SVEP1: variants seen among roughly 807,000 people sequenced by gnomAD.
The protein encoded by SVEP1 is sushi, von Willebrand factor type A, EGF and pentraxin domain containing 1.
In SVEP1, 164 loss-of-function variants were observed where a neutral mutation model predicts 367.3. The ratio of observed to expected loss-of-function variants is 0.45; its 90% CI spans 0.39 to 0.51. SVEP1 has a LOEUF of 0.51. SVEP1 is among the 20% of genes least tolerant of loss of function. The pLI, the probability that SVEP1 is intolerant of heterozygous loss-of-function variation, is 0.00. For missense variants in SVEP1, 4,117 were observed against 4,425.3 expected (o/e 0.93, Z 1.98); for synonymous variants, 1,666 against 1,611.6 (o/e 1.03, Z -0.81).
intron 36 of SVEP1, among the ~76,000 whole-genome samples, chr9:110,413,341 T>C (rs538852990): frequency 4.9e-5 from 7 of 142,378 alleles, no homozygotes; most frequent in South Asian, 4.5e-4. Context: ...AATTGAACAA[T>C]GAGATCACAT....
intron 24 of SVEP1, among the ~76,000 whole-genome samples, chr9:110,449,758 G>C (rs943379578): frequency 1.3e-5 from 2 of 152,140 alleles, no homozygotes; most frequent in Admixed American, 1.3e-4. Context: ...TTGCTTCTGA[G>C]TAATTATATT....
intron 27 of SVEP1, among the ~76,000 whole-genome samples, chr9:110,440,677 T>A (rs1298744148): frequency 1.3e-5 from 2 of 152,178 alleles, no homozygotes; most frequent in African/African-American, 4.8e-5. Flanking sequence ...GATTAAGAGT[T>A]AATCTCATGC....
intron 39 of SVEP1, among the ~76,000 whole-genome samples, chr9:110,402,143 G>C (rs989089185): frequency 1.4e-4 from 22 of 151,780 alleles, no homozygotes; most frequent in African/African-American, 1.7e-4. Context: ...AATTTATTTT[G>C]GTTATTTTTA....
At chr9:110,515,537 T>C (rs1829788981) in intron 3 of SVEP1, among the ~76,000 whole-genome samples, 1 of 152,000 alleles carries the variant, frequency 6.6e-6, no homozygotes, top group Admixed American at 6.6e-5. Flanking sequence ...CCTGACCTCA[T>C]GATCCGCCCG....
intron 27 of SVEP1, chr9:110,443,336 G>GTGGTCGCCGTAT: frequency 2.3e-6 from 1 of 442,150 alleles, no homozygotes; most frequent in South Asian, 6.6e-5. Context: ...ATCTTCAAAG[G>GTGGTCGCCGTAT]CATTTCTCAC....
intron 1 of SVEP1, among the ~76,000 whole-genome samples, chr9:110,572,298 G>T (rs1413845088): frequency 6.6e-6 from 1 of 152,162 alleles, no homozygotes; most frequent in Non-Finnish European, 1.5e-5. Flanking sequence ...ACAGCTGTGA[G>T]GGAGGACAAA....
At chr9:110,531,238 C>T (rs1306381815) in intron 3 of SVEP1, among the ~76,000 whole-genome samples, 3 of 152,220 alleles carry the variant, frequency 2.0e-5, no homozygotes, top group Admixed American at 1.3e-4. Context: ...TGTTCTATAG[C>T]TCATGATTTA....
At chr9:110,513,838 G>C in intron 4 of SVEP1, 110 bp downstream of exon 4, 1 of 1,295,144 alleles carries the variant, frequency 7.7e-7, no homozygotes, top group Non-Finnish European at 1.0e-6. Context: ...TATGATTAGA[G>C]AAAAGAACAT....
chr9:110,548,428 T>C (rs1830245574), intron 2 of SVEP1, among the ~76,000 whole-genome samples: 1 of 152,194 alleles, frequency 6.6e-6, no homozygotes, highest in Non-Finnish European at 1.5e-5. Flanking sequence ...AACTTTCTCA[T>C]CCCTTTATAT....
chr9:110,529,576 C>A (rs1354674424), intron 3 of SVEP1, among the ~76,000 whole-genome samples: 4 of 149,290 alleles, frequency 2.7e-5, no homozygotes, highest in African/African-American at 4.9e-5. Context: ...AGATGGTTCA[C>A]CTCCTTGGTT....
chr9:110,541,191 C>T (rs1830140839), intron 3 of SVEP1, among the ~76,000 whole-genome samples: 1 of 152,120 alleles, frequency 6.6e-6, no homozygotes, highest in South Asian at 2.1e-4. Context: ...GTCTATGAAA[C>T]TAACAAATAT....
intron 26 of SVEP1, 89 bp from the exon 27 acceptor site, chr9:110,443,809 CT>C (rs1300833165): frequency 6.6e-6 from 8 of 1,210,826 alleles, no homozygotes; most frequent in Admixed American, 3.6e-5. Flanking sequence ...TCTTCTTTTT[CT>C]TTTTTTGTGG....
chr9:110,404,571 A>C lies in SVEP1; in HGVS notation c.9441-19T>G. On this transcript the variant is annotated intron_variant, in intron 38 of 47. Coordinates refer to ENST00000374469, the MANE Select transcript of SVEP1 (RefSeq NM_153366.4). The stretch of plus-strand genomic sequence containing the variant: ...CAGACATCTGCAATGGAAATGCAAA[A>C]ATGAGTGCCTTAAATGAAGTACAAT... 14 of 1,607,526 alleles carry C rather than the reference A, an allele frequency of 8.7e-6. No homozygotes were observed. The highest frequency in any genetic ancestry group is 1.2e-5 in the Non-Finnish European group (14 of 1,173,970).
At chr9:110,390,081 GTATA>G (rs138038036) in intron 40 of SVEP1, among the ~76,000 whole-genome samples, 25,368 of 118,282 alleles carry the variant, frequency 0.21, 2,812 homozygotes, top group Middle Eastern at 0.37. Flanking sequence ...ATATATACGT[GTATA>G]TATACACATA....
chr9:110,445,765 A>T, intron 26 of SVEP1, 72 bp downstream of exon 26: 1 of 1,542,808 alleles, frequency 6.5e-7, no homozygotes, highest in East Asian at 2.3e-5. Context: ...CCCATTTCCC[A>T]TCCTCAATGT....
chr9:110,426,500 C>T, intron 36 of SVEP1, among the ~76,000 whole-genome samples: 1 of 152,054 alleles, frequency 6.6e-6, no homozygotes, highest in South Asian at 2.1e-4. Flanking sequence ...TCCCTAAGGC[C>T]CCACAGTTAG....
In SVEP1 at chr9:110,387,427, G is replaced by A; in HGVS notation, c.9918C>T (p.Leu3306=). The A allele has an allele frequency of 1.2e-6, 2 of 1,611,130 alleles. No individual in the cohort carries two copies. Among genetic ancestry groups the A allele is most frequent in the South Asian group, 1.1e-5 (1 of 90,308 alleles). The change falls in exon 42 of 48, where the codon CTC becomes CTT. Residue 3306 remains leucine, a synonymous_variant. Coordinates refer to ENST00000374469, the MANE Select transcript of SVEP1 (RefSeq NM_153366.4). ...ETRCETPLEF[L]NGKADIENRT... ...TGTTTTCAATGTCAGCTTTCCCATT[G>A]AGAAATTCAAGTGGAGTTTCACACC...
At chr9:110,373,787 G>A (rs746722454) in intron 46 of SVEP1, among the ~76,000 whole-genome samples, 19 of 152,202 alleles carry the variant, frequency 1.2e-4, no homozygotes, top group Admixed American at 5.9e-4. Flanking sequence ...CTCAAGTGGC[G>A]TATAATCTAG....
intron 44 of SVEP1, among the ~76,000 whole-genome samples, chr9:110,378,539 G>T (rs61290144): frequency 0.081 from 12,283 of 152,086 alleles, 975 homozygotes; most frequent in African/African-American, 0.21. Context: ...TTTCCCCCAT[G>T]CTGTAGGTTG....
Sources: gnomAD v4.1 joint callset for allele counts (sites outside exome capture counted in the v4.1 genomes callset) on GRCh38, gnomAD v4.1.1 for gene constraint, MANE v1.5 for transcripts, NCBI Gene and HGNC (gene_info 2026-07-23, HGNC 2026-07-21) for gene names.